Variants in TTLL3 observed in about 807,000 individuals in gnomAD.
The protein encoded by TTLL3 is tubulin tyrosine ligase like 3, also known as tubulin monoglycylase TTLL3.
A neutral mutation model predicts 75.2 loss-of-function variants in TTLL3; 63 were observed. That is an observed-to-expected ratio of 0.84 (90% CI 0.68 to 1.03). The LOEUF (loss-of-function observed/expected upper bound fraction) is 1.03, where lower values mean the gene tolerates loss of function less well. Among genes scored for constraint, TTLL3 ranks in the 50% least tolerant of loss-of-function variants. The probability of loss-of-function intolerance (pLI) is 0.00; values close to 1 mark genes in which losing one functional copy is unlikely to be tolerated. For synonymous variants in TTLL3, 393 were observed against 418.5 expected (o/e 0.94, Z 0.74); for missense variants, 997 against 1,069.9 (o/e 0.93, Z 0.95).
intron 7 of TTLL3, chr3:9,820,225 T>C: frequency 9.0e-7 from 1 of 1,107,156 alleles, no homozygotes; most frequent in Middle Eastern, 4.0e-4. Context: ...GACTCCCAGG[T>C]GCATTTTAGG....
At chr3:9,810,252 C>T (rs772112724), upstream of TTLL3, 1 of 1,508,800 alleles carries the variant, frequency 6.6e-7, no homozygotes, top group Non-Finnish European at 8.8e-7. The surrounding 1 kb of genome is among the most constrained non-coding windows in gnomAD (Gnocchi z 4.4). Context: ...GCGGCAGATG[C>T]CAGGCGGGCA....
chr3:9,828,719 C>G (rs1386417042), intron 10 of TTLL3: 6 of 572,698 alleles, frequency 1.0e-5, no homozygotes, highest in African/African-American at 5.6e-5. Flanking sequence ...AAAGCACTTA[C>G]TACTGCGGCC....
chr3:9,824,737 CTTTTTTTTTT>C (rs71052207), intron 8 of TTLL3, among the ~76,000 whole-genome samples: 2 of 80,678 alleles, frequency 2.5e-5, no homozygotes, highest in African/African-American at 4.3e-5. Context: ...CTTTTCTTTT[CTTTTTTTTTT>C]TTTTTTTTTT....
intron 11 of TTLL3, among the ~76,000 whole-genome samples, chr3:9,829,950 C>T (rs1184480978): frequency 3.3e-5 from 5 of 152,172 alleles, no homozygotes; most frequent in African/African-American, 1.2e-4. Context: ...TCAAGCGATT[C>T]TCCTGCCTCA....
intron 11 of TTLL3, among the ~76,000 whole-genome samples, chr3:9,829,753 T>G (rs2081352618): frequency 6.6e-6 from 1 of 152,094 alleles, no homozygotes; most frequent in Non-Finnish European, 1.5e-5. Context: ...AACCCCTAGG[T>G]CTCCTTGTCC....
In TTLL3 at chr3:9,810,416, C is replaced by G. The variant is rs1279768211; in HGVS notation, c.-42+22C>G. ...GATGGTGAGGCCCGTGCGGCCCGCT[C>G]GCTCTGGCCTACAGCGGCTGCGAGG... On this transcript the variant is annotated intron_variant, in intron 1 of 13. Transcript: ENST00000685419. The surrounding 1 kb of genome is among the most constrained non-coding windows in gnomAD (Gnocchi z 4.4). The G allele has an allele frequency of 2.1e-6, 3 of 1,413,900 alleles. No individual in the cohort carries two copies. The highest frequency in any genetic ancestry group is 3.0e-5 in the South Asian group (2 of 65,786). 87.6% of individuals were successfully genotyped at this position (1,413,900 alleles called of 1,614,324 possible). A position where few individuals can be genotyped will look rare whatever the true frequency, so the allele number is the denominator to read the frequency against.
At chr3:9,830,837 C>T (rs781474789) in intron 11 of TTLL3, among the ~76,000 whole-genome samples, 1 of 151,994 alleles carries the variant, frequency 6.6e-6, no homozygotes, top group Non-Finnish European at 1.5e-5. Flanking sequence ...GGGTCTTGCT[C>T]TGTTGCCTAG....
rs1363892855 is a variant in TTLL3 at position 9,835,193 on chromosome 3, A to C, written c.2152A>C (p.Arg718=). The C allele has an allele frequency of 6.2e-7, 1 of 1,609,022 alleles. No individual in the cohort carries two copies. Among genetic ancestry groups the C allele is most frequent in the South Asian group, 1.1e-5 (1 of 91,002 alleles). ...ATTCCTAGCACCTGTCGGAAGGTCA[A>C]GGCCAAAGGCAAATTCAAGGCCAGA... The part of the protein sequence containing the change: ...EQFLAPVGRS[R]PKANSRPDCD... Residue 718 remains arginine (R), a synonymous_variant, in exon 14 of 14, where the codon AGG becomes CGG. Coordinates refer to ENST00000685419, the MANE Select transcript of TTLL3 (RefSeq NM_001387446.1).
rs548885560 is a variant in TTLL3, at chr3:9,835,509, G to A, written c.*20G>A. 52 of 1,549,462 alleles carry A rather than the reference G, an allele frequency of 3.4e-5. No homozygotes were observed. The highest frequency in any genetic ancestry group is 2.8e-4 in the Admixed American group (14 of 49,770). On this transcript the variant is annotated 3_prime_UTR_variant, in exon 14 of 14. Coordinates refer to ENST00000685419, the MANE Select transcript of TTLL3 (RefSeq NM_001387446.1). Reference sequence around the variant, plus strand: ...GCCTGAGGCCATCAGCAGCTCCTCCGTGCAGCGAGGCCCAGAATTCCCACC... The same window carrying A: ...GCCTGAGGCCATCAGCAGCTCCTCCATGCAGCGAGGCCCAGAATTCCCACC...
intron 5 of TTLL3, 106 bp downstream of exon 5, chr3:9,816,308 A>C (rs1393918830): frequency 8.4e-7 from 1 of 1,194,404 alleles, no homozygotes; most frequent in Admixed American, 2.6e-5. Context: ...TCTCAGGACA[A>C]GGGGAAGTAT....
At chr3:9,828,743 C>T in intron 10 of TTLL3, 1 of 618,992 alleles carries the variant, frequency 1.6e-6, no homozygotes, top group Non-Finnish European at 2.8e-6. Flanking sequence ...GTAACTAGCG[C>T]CCTCAGAGCA....
At position 9,817,735 on chromosome 3, in the gene TTLL3, G is replaced by A. The variant is rs773546618; in HGVS notation, c.535G>A (p.Glu179Lys). Residue 179 changes from glutamate (E) to lysine (K), a missense_variant, in exon 6 of 14, where the codon GAG (glutamate) becomes AAG (lysine). Coordinates refer to ENST00000685419, the MANE Select transcript of TTLL3 (RefSeq NM_001387446.1). Reference protein sequence around the residue: ...FFPRCYCLGAEDDKKAFIEDF... With the variant: ...FFPRCYCLGAKDDKKAFIEDF... ...CCCACGCTGCTACTGCCTGGGGGCT[G>A]AGGATGACAAAAAAGCCTTCATAGG... 6.2e-7 allele frequency: 1 copy of A among 1,614,128 alleles called. No homozygotes were observed. The highest frequency in any genetic ancestry group is 8.5e-7 in the Non-Finnish European group (1 of 1,180,016).
intron 7 of TTLL3, chr3:9,820,056 G>C: frequency 1.0e-6 from 1 of 991,516 alleles, no homozygotes; most frequent in Non-Finnish European, 1.2e-6. Flanking sequence ...GCCTTGTGCA[G>C]TAACAGTGCA....
At chr3:9,819,480 G>T in intron 7 of TTLL3, 1 of 992,282 alleles carries the variant, frequency 1.0e-6, no homozygotes, top group Non-Finnish European at 1.2e-6. Flanking sequence ...AGAAGACATG[G>T]TCCGTCCCTG....
chr3:9,820,263 A>G, intron 7 of TTLL3: 1 of 1,208,520 alleles, frequency 8.3e-7, no homozygotes, highest in Non-Finnish European at 1.0e-6. Flanking sequence ...TAGAGGTCCC[A>G]GGGGCAGAGA....
chr3:9,833,409 T>A, intron 12 of TTLL3, 164 bp downstream of exon 12: 1 of 1,132,288 alleles, frequency 8.8e-7, no homozygotes, highest in Non-Finnish European at 1.2e-6. Context: ...TCTGCCCCAA[T>A]CTCTGGGAGT....
At chr3:9,813,605 C>T (rs1382377195) in intron 4 of TTLL3, among the ~76,000 whole-genome samples, 1 of 151,424 alleles carries the variant, frequency 6.6e-6, no homozygotes, top group Non-Finnish European at 1.5e-5. Flanking sequence ...CATAGTAAGA[C>T]TCAGTCTCTA....
intron 2 of TTLL3, among the ~76,000 whole-genome samples, chr3:9,811,369 C>T (rs537195924): frequency 1.3e-5 from 2 of 152,320 alleles, no homozygotes; most frequent in African/African-American, 4.8e-5. Flanking sequence ...TCCAGTCTTT[C>T]CCATCTCTCA....
chr3:9,825,721 G>C, intron 8 of TTLL3, 79 bp from the exon 9 acceptor site: 2 of 1,612,548 alleles, frequency 1.2e-6, no homozygotes, highest in Non-Finnish European at 1.7e-6. Context: ...GCGGGGGATG[G>C]TGGAATATAT....
Sources: gnomAD v4.1 joint callset for allele counts (sites outside exome capture counted in the v4.1 genomes callset) on GRCh38, gnomAD v4.1.1 for gene constraint, Gnocchi (gnomAD v3.1) non-coding constraint, MANE v1.5 for transcripts, NCBI Gene and HGNC (gene_info 2026-07-23, HGNC 2026-07-21) for gene names.